The following MCM9 variants were observed in gnomAD, a reference collection of about 807,000 sequenced individuals.
The protein encoded by MCM9 is DNA helicase MCM9.
MCM9 carries 55 observed loss-of-function variants against 72.8 expected under a neutral mutation model. The ratio of observed to expected loss-of-function variants is 0.76; its 90% CI spans 0.61 to 0.95. The LOEUF (loss-of-function observed/expected upper bound fraction) is 0.95, where lower values mean the gene tolerates loss of function less well. MCM9 is among the 40% of genes least tolerant of loss of function. The pLI is 0.00. For synonymous variants in MCM9, 480 were observed against 503.4 expected (o/e 0.95, Z 0.62); for missense variants, 1,279 against 1,377.0 (o/e 0.93, Z 1.13).
intron 8 of MCM9, among the ~76,000 whole-genome samples, chr6:118,880,295 C>T (rs1323058691): frequency 6.6e-6 from 1 of 152,070 alleles, no homozygotes; most frequent in East Asian, 1.9e-4. Flanking sequence ...TAGAAGTTTA[C>T]AAGGAACTGT....
At chr6:118,849,344 C>T (rs1776081839) in intron 9 of MCM9, among the ~76,000 whole-genome samples, 3 of 151,718 alleles carry the variant, frequency 2.0e-5, no homozygotes, top group Admixed American at 6.6e-5. Context: ...GACTTTAACA[C>T]ACCACTCTTG....
At chr6:118,846,068 T>C (rs546080515) in intron 9 of MCM9, among the ~76,000 whole-genome samples, 1 of 151,912 alleles carries the variant, frequency 6.6e-6, no homozygotes, top group Admixed American at 6.5e-5. Flanking sequence ...ATATAAAATA[T>C]ACAGTAAAAG....
intron 3 of MCM9, among the ~76,000 whole-genome samples, chr6:118,930,964 A>G (rs1253187801): frequency 6.6e-6 from 1 of 152,246 alleles, no homozygotes; most frequent in Non-Finnish European, 1.5e-5. Context: ...TCTGTCATGC[A>G]TTCAACAAAA....
intron 3 of MCM9, among the ~76,000 whole-genome samples, chr6:118,928,730 T>C (rs1159135903): frequency 6.6e-6 from 1 of 150,422 alleles, no homozygotes; most frequent in Non-Finnish European, 1.5e-5. Flanking sequence ...CACATGCCTG[T>C]AGTCCCAGCT....
At chr6:118,873,076 G>A (rs1326208315) in intron 8 of MCM9, among the ~76,000 whole-genome samples, 2 of 151,710 alleles carry the variant, frequency 1.3e-5, no homozygotes, top group Middle Eastern at 3.4e-3. Flanking sequence ...GGAGGCTGAG[G>A]TGAGAGGACC....
intron 13 of MCM9, among the ~76,000 whole-genome samples, chr6:118,822,578 G>A (rs1353241117): frequency 1.3e-5 from 2 of 152,184 alleles, no homozygotes; most frequent in African/African-American, 2.4e-5. Context: ...GTCTCTCTCA[G>A]TCAGGAGGCA....
chr6:118,816,043 C>CT lies in MCM9; in HGVS notation c.2212dup (p.Arg738LysfsTer3). 1 of 1,550,416 alleles carries CT rather than the reference C, an allele frequency of 6.4e-7. No homozygotes were observed. The highest frequency in any genetic ancestry group is 1.2e-5 in the South Asian group (1 of 84,036). ...ATCAAACCAATCTAAACTGTCATCT[C>CT]TGTTATTTTTGTGCTGAGCTGAATG... On this transcript the variant is annotated frameshift_variant, in exon 14 of 14. Coordinates refer to ENST00000619706, the MANE Select transcript of MCM9 (RefSeq NM_017696.3). LOFTEE classifies it low-confidence loss of function (END_TRUNC).
intron 9 of MCM9, among the ~76,000 whole-genome samples, chr6:118,851,263 G>T (rs982490589): frequency 2.0e-5 from 3 of 151,786 alleles, no homozygotes; most frequent in Non-Finnish European, 4.4e-5. Context: ...CCTGGGAATA[G>T]GCTACAAATG....
At chr6:118,847,463 G>A (rs1775947270) in intron 9 of MCM9, among the ~76,000 whole-genome samples, 1 of 148,172 alleles carries the variant, frequency 6.7e-6, no homozygotes, top group South Asian at 2.1e-4. Context: ...TGAATCTAAG[G>A]TGTCTAAGAA....
chr6:118,855,307 C>T (rs564001732), intron 9 of MCM9, among the ~76,000 whole-genome samples: 5 of 152,168 alleles, frequency 3.3e-5, no homozygotes, highest in South Asian at 2.1e-4. Flanking sequence ...GTGGACTTAT[C>T]GCTTTGCTGT....
intron 8 of MCM9, among the ~76,000 whole-genome samples, chr6:118,887,257 A>G (rs1280648543): frequency 6.6e-6 from 1 of 152,262 alleles, no homozygotes; most frequent in Non-Finnish European, 1.5e-5. Context: ...ACCTAAGGTC[A>G]TCAAGACAAT....
rs1414710538 is a variant in MCM9 at position 118,815,938 on chromosome 6, G to A, written c.2318C>T (p.Ala773Val). The A allele has an allele frequency of 1.3e-6, 2 of 1,549,826 alleles. No individual in the cohort carries two copies. The highest frequency in any genetic ancestry group is 8.7e-7 in the Non-Finnish European group (1 of 1,146,952). ...AGATGTGCTGTTAGAGATCTTCGAA[G>A]CCATATTTTCTCCAGATGTTTTGGG... ...PHPKTSGENMASKISNSTSQG... is the reference protein window; with the variant it reads ...PHPKTSGENMVSKISNSTSQG... The change falls in exon 14 of 14, where the codon GCT (alanine) becomes GTT (valine). Residue 773 changes from alanine to valine, a missense_variant. Transcript: ENST00000619706.
At chr6:118,894,580 T>C in intron 8 of MCM9, 1 of 1,409,118 alleles carries the variant, frequency 7.1e-7, no homozygotes, top group South Asian at 1.2e-5. Flanking sequence ...CGTTGAAAGT[T>C]TCCCGGGCCG....
rs1221196533 is a variant in MCM9, at chr6:118,829,123, G to A, written c.1453C>T (p.Leu485=). ...LGSPLLSRFD[L]ILVLLDTKNE... The stretch of plus-strand genomic sequence containing the variant: ...TTGGTATCAAGCAAAACCAGGATCA[G>A]GTCAAATCGACTTAAGAGTGGGCTG... Residue 485 remains leucine (L), a synonymous_variant, in exon 10 of 14, where the codon CTG becomes TTG. Transcript: ENST00000619706. 1.9e-6 allele frequency: 3 copies of A among 1,550,606 alleles called. No homozygotes were observed. The highest frequency in any genetic ancestry group is 1.7e-6 in the Non-Finnish European group (2 of 1,147,006).
chr6:118,931,503 C>T lies in MCM9; in HGVS notation c.221G>A (p.Arg74Gln), dbSNP rs531682044. 131 of 1,614,036 alleles carry T rather than the reference C, an allele frequency of 8.1e-5. No individual in the cohort carries two copies. Among genetic ancestry groups the T allele is most frequent in the Admixed American group, 2.0e-4 (12 of 59,998 alleles). ...CTGGAGAATTGTCAAGGCTGACCTT[C>T]GCAGTGCACTATCAAAAATTGTAAG... is the stretch of plus-strand genomic sequence containing the variant. ...EVLTIFDSAL[R>Q]RSALTILQSL... The change falls in exon 3 of 14, where the codon CGA becomes CAA. Residue 74 changes from arginine (R) to glutamine (Q), a missense_variant. Transcript: ENST00000619706.
intron 13 of MCM9, among the ~76,000 whole-genome samples, chr6:118,818,163 T>C (rs1037226635): frequency 3.3e-5 from 5 of 152,362 alleles, no homozygotes; most frequent in Non-Finnish European, 5.9e-5. Flanking sequence ...TTAGCTTTTG[T>C]TGCAATTGCT....
chr6:118,849,739 A>C (rs917217580), intron 9 of MCM9, among the ~76,000 whole-genome samples: 5 of 151,904 alleles, frequency 3.3e-5, no homozygotes, highest in African/African-American at 1.2e-4. Context: ...GATGATAATA[A>C]GAATACTACA....
In MCM9 at chr6:118,815,243, C is replaced by T; in HGVS notation, c.3013G>A (p.Glu1005Lys). ...QQPPEKHGPR[E>K]KVMCAPEKRI... is the part of the protein sequence containing the mutation. ...TTCTCAGGGGCACACATCACCTTCT[C>T]TCTTGGTCCGTGTTTCTCTGGTGGC... Residue 1005 changes from glutamate (E) to lysine (K), a missense_variant, in exon 14 of 14, where the codon GAG (glutamate) becomes AAG (lysine). By Grantham distance (56) the Glu-to-Lys change is moderately conservative (BLOSUM62 1). Transcript: ENST00000619706. 1.3e-6 allele frequency: 2 copies of T among 1,550,702 alleles called. No homozygotes were observed. Among genetic ancestry groups the T allele is most frequent in the African/African-American group, 1.4e-5 (1 of 73,154 alleles).
intron 8 of MCM9, among the ~76,000 whole-genome samples, chr6:118,869,446 C>A (rs1270114219): frequency 1.3e-5 from 2 of 151,378 alleles, no homozygotes; most frequent in African/African-American, 4.9e-5. Context: ...CTTAAAATGG[C>A]CTATTGTAAG....
Sources: gnomAD v4.1 joint callset for allele counts (sites outside exome capture counted in the v4.1 genomes callset) on GRCh38, gnomAD v4.1.1 for gene constraint, MANE v1.5 for transcripts, NCBI Gene and HGNC (gene_info 2026-07-23, HGNC 2026-07-21) for gene names.